The following USP24 variants were observed in gnomAD, a reference collection of about 807,000 sequenced individuals.
USP24 encodes the protein ubiquitin specific peptidase 24.
USP24 carries 97 observed loss-of-function variants against 361.6 expected under a neutral mutation model. That is an observed-to-expected ratio of 0.27 (90% CI 0.23 to 0.32). The LOEUF is 0.32. USP24 is among the 10% of genes least tolerant of loss of function. The pLI, the probability that USP24 is intolerant of heterozygous loss-of-function variation, is 1.00. For synonymous variants in USP24, 1,098 were observed against 1,124.6 expected (o/e 0.98, Z 0.47); for missense variants, 2,353 against 3,165.6 (o/e 0.74, Z 6.16).
intron 63 of USP24, among the ~76,000 whole-genome samples, chr1:55,075,208 T>C (rs1008236030): frequency 1.3e-4 from 19 of 151,982 alleles, no homozygotes; most frequent in African/African-American, 4.4e-4. Flanking sequence ...CCCTGAATCT[T>C]GCCTTATCTG....
At chr1:55,104,041 T>C in intron 41 of USP24, 21 bp from the exon 42 acceptor site, 1 of 1,584,904 alleles carries the variant, frequency 6.3e-7, no homozygotes, top group Admixed American at 1.8e-5. Flanking sequence ...AAGACACAAG[T>C]CAATTTCAAC....
chr1:55,133,761 T>C (rs1252281083), intron 30 of USP24, among the ~76,000 whole-genome samples: 2 of 151,718 alleles, frequency 1.3e-5, no homozygotes, highest in African/African-American at 4.8e-5. Context: ...CTCAGCCTCC[T>C]GAGTAGCTGG....
At chr1:55,111,397 A>G (rs1350912548) in intron 38 of USP24, among the ~76,000 whole-genome samples, 1 of 152,080 alleles carries the variant, frequency 6.6e-6, no homozygotes, top group Non-Finnish European at 1.5e-5. Context: ...TATTAAATAA[A>G]AAACATGTAC....
intron 13 of USP24, 59 bp downstream of exon 13, chr1:55,154,612 C>T (rs1408364973): frequency 6.6e-7 from 1 of 1,523,974 alleles, no homozygotes; most frequent in Non-Finnish European, 9.0e-7. Context: ...GTATTCAGGA[C>T]CTCAAAAGAG....
rs1649689089 is a variant in USP24 at position 55,173,817 on chromosome 1, C to T, written c.559-1297G>A. 2.0e-5 allele frequency among the ~76,000 whole-genome samples: 3 copies of T among 152,052 alleles called. No individual in the cohort carries two copies. In the South Asian group the frequency reaches 6.2e-4, roughly 32 times the overall value. On this transcript the variant is annotated intron_variant, in intron 3 of 67. Coordinates refer to ENST00000294383, the MANE Select transcript of USP24 (RefSeq NM_015306.3). ...TTTTTTTGCCTGACTATATATTCCT[C>T]CTATAGTTAAAAATTAAATAATAAA... is the stretch of plus-strand genomic sequence containing the variant.
chr1:55,152,076 GC>G, intron 16 of USP24: 1 of 746,214 alleles, frequency 1.3e-6, no homozygotes, highest in Non-Finnish European at 1.6e-6. Flanking sequence ...TCTTCCCACT[GC>G]CCCCCTTCAG....
intron 54 of USP24, among the ~76,000 whole-genome samples, chr1:55,091,584 G>C (rs1645377992): frequency 6.6e-6 from 1 of 152,180 alleles, no homozygotes; most frequent in Non-Finnish European, 1.5e-5. Context: ...TTCAGCCTCA[G>C]CTCCAGGAGT....
At chr1:55,151,917 G>C in intron 16 of USP24, 1 of 985,784 alleles carries the variant, frequency 1.0e-6, no homozygotes, top group Non-Finnish European at 1.2e-6. Context: ...CTTACCCTTT[G>C]CTTAGTTTCT....
intron 1 of USP24, among the ~76,000 whole-genome samples, chr1:55,199,839 C>T (rs1477509774): frequency 6.6e-6 from 1 of 151,986 alleles, no homozygotes; most frequent in Non-Finnish European, 1.5e-5. Context: ...CGAGACTGGA[C>T]AATTTGCAAA....
intron 24 of USP24, among the ~76,000 whole-genome samples, chr1:55,141,033 C>T (rs1185478015): frequency 6.6e-6 from 1 of 152,082 alleles, no homozygotes; most frequent in Non-Finnish European, 1.5e-5. Context: ...TTCACACAAA[C>T]ATTTGGGGAT....
chr1:55,147,758 T>C lies in USP24; in HGVS notation c.2009A>G (p.Lys670Arg). Reference protein sequence around the residue: ...QDLKKNFEIVKLVTGSLIACH... With the variant: ...QDLKKNFEIVRLVTGSLIACH... ...AGCGATCAAACTTCCCGTTACCAAT[T>C]TCACTATTTCAAAATTCTTCTTCAA... The change falls in exon 18 of 68, where the codon AAA (lysine) becomes AGA (arginine). Residue 670 changes from lysine (K) to arginine (R), a missense_variant. Physicochemically the swap from Lys to Arg is conservative, Grantham distance 26 (BLOSUM62 2). This residue lies in a region of USP24 where 949 missense variants were observed against 1,280.5 expected (regional missense o/e 0.74). Coordinates refer to ENST00000294383, the MANE Select transcript of USP24 (RefSeq NM_015306.3). 6.2e-7 allele frequency: 1 copy of C among 1,612,688 alleles called. No individual in the cohort carries two copies. Among genetic ancestry groups the C allele is most frequent in the Non-Finnish European group, 8.5e-7 (1 of 1,179,242 alleles).
chr1:55,166,556 A>T lies in USP24; in HGVS notation c.861+12T>A. 1.3e-6 allele frequency: 2 copies of T among 1,582,902 alleles called. No homozygotes were observed. Among genetic ancestry groups the T allele is most frequent in the Non-Finnish European group, 1.7e-6 (2 of 1,164,076 alleles). On this transcript the variant is annotated intron_variant, in intron 6 of 67. Coordinates refer to ENST00000294383, the MANE Select transcript of USP24 (RefSeq NM_015306.3). ...AATATGCTACATGACAATATTAACA[A>T]AAGTCATATACCTTATTTACCAAAT...
rs373472913 is a variant in USP24, at chr1:55,146,868, C to G, written c.2250+61G>C. ...AAGTGTTTAGAAGATGTGAGACACA[C>G]AGAAAAAGTGAAATATTTAAATATT... On this transcript the variant is annotated intron_variant, in intron 19 of 67. Transcript: ENST00000294383. The G allele has an allele frequency of 5.3e-5, 84 of 1,593,062 alleles. No individual in the cohort carries two copies. In the African/African-American group the frequency reaches 1.1e-3, roughly 20 times the overall value.
At chr1:55,133,530 G>T (rs1646650351) in intron 30 of USP24, among the ~76,000 whole-genome samples, 1 of 151,964 alleles carries the variant, frequency 6.6e-6, no homozygotes, top group Non-Finnish European at 1.5e-5. Flanking sequence ...GGTACTAAAG[G>T]CTCTTCCAGT....
chr1:55,101,360 A>T (rs1046911895), intron 43 of USP24, among the ~76,000 whole-genome samples: 7 of 152,230 alleles, frequency 4.6e-5, no homozygotes, highest in Non-Finnish European at 7.3e-5. Context: ...CAAAAATCAC[A>T]TTAGGTCAAG....
chr1:55,186,285 T>TA (rs1458442097), intron 1 of USP24, among the ~76,000 whole-genome samples: 4 of 152,146 alleles, frequency 2.6e-5, no homozygotes, highest in Admixed American at 2.6e-4. Context: ...AAAATGTTGG[T>TA]AAGGATGTGG....
At chr1:55,115,870 A>C (rs1049203138) in intron 38 of USP24, among the ~76,000 whole-genome samples, 2 of 152,234 alleles carry the variant, frequency 1.3e-5, no homozygotes, top group African/African-American at 4.8e-5. Context: ...CTTTGCAGGG[A>C]CACAGATGAA....
intron 24 of USP24, among the ~76,000 whole-genome samples, chr1:55,139,397 T>C (rs79587983): frequency 0.025 from 3,751 of 152,312 alleles, 56 homozygotes; most frequent in Non-Finnish European, 0.037. Context: ...TGTGAACACA[T>C]GAAATCTGAC....
chr1:55,156,389 AC>A (rs1176047573), intron 12 of USP24, among the ~76,000 whole-genome samples: 1 of 152,204 alleles, frequency 6.6e-6, no homozygotes, highest in East Asian at 1.9e-4. Context: ...CTTGAAAAAA[AC>A]AAATAAAGTC....
Sources: gnomAD v4.1 joint callset for allele counts (sites outside exome capture counted in the v4.1 genomes callset) on GRCh38, gnomAD v4.1.1 for gene constraint, gnomAD v4.1.1 regional missense constraint, MANE v1.5 for transcripts, NCBI Gene and HGNC (gene_info 2026-07-23, HGNC 2026-07-21) for gene names.